Variants in HYDIN observed in about 807,000 individuals in gnomAD.
HYDIN encodes the protein axonemal central pair apparatus protein HYDIN.
A neutral mutation model predicts 403.9 loss-of-function variants in HYDIN; 132 were observed. That is an observed-to-expected ratio of 0.33 (90% CI 0.28 to 0.38). The LOEUF is 0.38. Ranked by LOEUF, HYDIN falls within the 10% of genes least tolerant of loss-of-function variation. The probability of loss-of-function intolerance (pLI) is 1.00; values close to 1 mark genes in which losing one functional copy is unlikely to be tolerated. For synonymous variants in HYDIN, 1,202 were observed against 1,891.7 expected, an observed-to-expected ratio of 0.64 and a Z score of 9.46; for missense variants, 2,827 against 5,009.5, an observed-to-expected ratio of 0.56 and a Z score of 13.15.
At chr16:70,871,890 G>A (rs1049369291) in intron 65 of HYDIN, 147 bp downstream of exon 65, 2 of 476,040 alleles carry the variant, frequency 4.2e-6, no homozygotes, top group Non-Finnish European at 7.7e-6. Context: ...TTGCTACTAG[G>A]TATGAGTGAG....
chr16:70,892,981 G>A (rs1298020725), intron 55 of HYDIN, among the ~76,000 whole-genome samples: 3 of 152,174 alleles, frequency 2.0e-5, no homozygotes, highest in African/African-American at 7.2e-5. Context: ...ATGGCCTACT[G>A]GAGGTGAGGC....
At chr16:70,954,688 C>T (rs2078178058) in intron 40 of HYDIN, among the ~76,000 whole-genome samples, 1 of 152,152 alleles carries the variant, frequency 6.6e-6, no homozygotes. Flanking sequence ...CCGGCCCAGG[C>T]CCATTTGTCT....
chr16:71,051,469 A>AC (rs1200775777), intron 18 of HYDIN, among the ~76,000 whole-genome samples: 1 of 151,718 alleles, frequency 6.6e-6, no homozygotes, highest in Non-Finnish European at 1.5e-5. Context: ...ACACGGTGAG[A>AC]CCCCGTCTCT....
intron 1 of HYDIN, among the ~76,000 whole-genome samples, chr16:71,218,458 T>C (rs959466627): frequency 2.6e-5 from 4 of 152,224 alleles, no homozygotes; most frequent in Non-Finnish European, 5.9e-5. Context: ...AGTTTAATTG[T>C]ATACTGGGGA....
At chr16:71,090,163 C>T (rs917110366) in intron 11 of HYDIN, 4 of 119,016 alleles carry the variant, frequency 3.4e-5, no homozygotes, top group Admixed American at 9.3e-5. Context: ...ATGTTTCTTT[C>T]GCATCTCCCT....
rs545412163 is a variant in HYDIN at position 70,892,426 on chromosome 16, C to T, written c.9352G>A (p.Val3118Ile). Residue 3118 changes from valine (V) to isoleucine (I), a missense_variant, in exon 56 of 86, where the codon GTC becomes ATC. Val to Ile is a conservative substitution (Grantham distance 29). Coordinates refer to ENST00000393567, the MANE Select transcript of HYDIN (RefSeq NM_001270974.2). ...TTTTTTGCATGGAAGAAAACTTGGA[C>T]ATTTGTGGGTTTTTCTGTTGGGGTC... ...SLTPTEKPTN[V>I]QVFFHAKKEV... 7.5e-6 allele frequency: 12 copies of T among 1,604,462 alleles called. No homozygotes were observed. In the East Asian group the frequency reaches 2.5e-4, roughly 33 times the overall value.
chr16:71,093,911 C>T lies in HYDIN; in HGVS notation c.1352G>A (p.Arg451Gln), dbSNP rs7200485. 27 of 1,613,306 alleles carry T rather than the reference C, an allele frequency of 1.7e-5. No individual in the cohort carries two copies. Among genetic ancestry groups the T allele is most frequent in the Admixed American group, 3.3e-5 (2 of 59,892 alleles). The change falls in exon 11 of 86, where the codon CGA becomes CAA. Residue 451 changes from arginine (R) to glutamine (Q), a missense_variant. Transcript: ENST00000393567. The stretch of plus-strand genomic sequence containing the variant: ...AGGTCCCATGCCTTCCCCTTTGATT[C>T]GGAGGGGCAGACGGATTTCTCGGCC... ...ILGREIRLPL[R>Q]IKGEGMGPKI...
rs189334712 is a variant in HYDIN at position 70,803,015 on chromosome 16, A to G, written c.*4565T>C. Among the ~76,000 whole-genome samples the G allele has an allele frequency of 5.1e-4, 77 of 152,212 alleles. No homozygotes were observed. Among genetic ancestry groups the G allele is most frequent in the Middle Eastern group, 3.4e-3 (1 of 292 alleles). ...AAATCAATGGGAATGATTTGGTTCT[A>G]TTTCTCCAATGTGTGTGCATTTCCA... is the stretch of plus-strand genomic sequence containing the variant. On this transcript the variant is annotated 3_prime_UTR_variant, in exon 86 of 86. Coordinates refer to ENST00000393567, the MANE Select transcript of HYDIN (RefSeq NM_001270974.2).
rs377419215 is a variant in HYDIN, at chr16:71,077,907, G to A, written c.1738+1978C>T. ...TCTAAGAATTTTTATTTCTCATTAT[G>A]AATGAGTGTTGGATTCTGTGGAATA... On this transcript the variant is annotated intron_variant, in intron 13 of 85. Transcript: ENST00000393567. Among the ~76,000 whole-genome samples, 89 of 152,024 alleles carry A rather than the reference G, an allele frequency of 5.9e-4. No individual in the cohort carries two copies. The East Asian group carries it at 0.014, about 23-fold the overall frequency.
intron 1 of HYDIN, among the ~76,000 whole-genome samples, chr16:71,203,030 C>A (rs2088102573): frequency 6.6e-6 from 1 of 152,170 alleles, no homozygotes; most frequent in South Asian, 2.1e-4. Context: ...GAAGTTATTT[C>A]TTTGGGCTTG....
intron 2 of HYDIN, among the ~76,000 whole-genome samples, chr16:71,186,552 C>A (rs903316815): frequency 1.3e-5 from 2 of 152,110 alleles, no homozygotes; most frequent in African/African-American, 4.8e-5. Flanking sequence ...TTAAGCAAAT[C>A]AAGCCTCTAC....
At chr16:70,965,658 T>C (rs1384793215) in intron 36 of HYDIN, among the ~76,000 whole-genome samples, 1 of 152,228 alleles carries the variant, frequency 6.6e-6, no homozygotes, top group African/African-American at 2.4e-5. Context: ...AAAAATCTGT[T>C]TTGTTAGGTA....
intron 7 of HYDIN, among the ~76,000 whole-genome samples, chr16:71,149,725 A>G (rs376458977): frequency 1.3e-5 from 2 of 152,186 alleles, no homozygotes; most frequent in African/African-American, 4.8e-5. Flanking sequence ...ACATGGTTTC[A>G]CCATGTTGCC....
chr16:70,974,422 T>C (rs2078828862), intron 32 of HYDIN, 112 bp downstream of exon 32: 3 of 1,476,940 alleles, frequency 2.0e-6, no homozygotes, highest in East Asian at 4.8e-5. Context: ...AGCCCAAGAA[T>C]CCTTTTAGCT....
At chr16:71,204,145 C>T (rs776319901) in intron 1 of HYDIN, 3 of 170,836 alleles carry the variant, frequency 1.8e-5, no homozygotes, top group South Asian at 1.5e-4. Context: ...TCTCCAAGTG[C>T]TAACAATGTG....
At position 71,027,676 on chromosome 16, in the gene HYDIN, G is replaced by A. The variant is rs1449274459; in HGVS notation, c.2968C>T (p.His990Tyr). Residue 990 changes from histidine to tyrosine, a missense_variant, in exon 20 of 86, where the codon CAC becomes TAC. His to Tyr is a moderately conservative substitution (Grantham distance 83). Transcript: ENST00000393567. ...RDPQSPVFHLHPASMELYPGQ... is the reference protein window; with the variant it reads ...RDPQSPVFHLYPASMELYPGQ... ...GGGTACAGCTCCATGCTGGCGGGGT[G>A]GAGATGAAACACGGGGCTCTGTGGA... 1 of 1,604,838 alleles carries A rather than the reference G, an allele frequency of 6.2e-7. No individual in the cohort carries two copies. Among genetic ancestry groups the A allele is most frequent in the Non-Finnish European group, 8.5e-7 (1 of 1,175,664 alleles).
rs2458389 is a variant in HYDIN at position 70,950,446 on chromosome 16, C to T, written c.6531+1975G>A. On this transcript the variant is annotated intron_variant, in intron 41 of 85. Transcript: ENST00000393567. ...TTTTATTTTTTATTTTTAGTAGAGACGGGGTTTCATCACGTTGGCCAGGCT... is the reference window on the plus strand; with the variant it reads ...TTTTATTTTTTATTTTTAGTAGAGATGGGGTTTCATCACGTTGGCCAGGCT... Among the ~76,000 whole-genome samples, 879 of 149,704 alleles carry T rather than the reference C, an allele frequency of 5.9e-3. 8 individuals are homozygous for T. Among genetic ancestry groups the T allele is most frequent in the African/African-American group, 0.021 (823 of 39,268 alleles).
chr16:70,860,337 T>C, intron 70 of HYDIN, 131 bp from the exon 71 acceptor site: 3 of 904,996 alleles, frequency 3.3e-6, no homozygotes, highest in African/African-American at 1.9e-5. Context: ...ACTTTGTTAC[T>C]GTGGAAATAA....
At chr16:71,108,128 C>T (rs1422558681) in intron 10 of HYDIN, among the ~76,000 whole-genome samples, 7 of 151,956 alleles carry the variant, frequency 4.6e-5, no homozygotes, top group Middle Eastern at 3.2e-3. Flanking sequence ...TGAGAACACA[C>T]GGACACAAAG....
Sources: gnomAD v4.1 joint callset for allele counts (sites outside exome capture counted in the v4.1 genomes callset) on GRCh38, gnomAD v4.1.1 for gene constraint, MANE v1.5 for transcripts, NCBI Gene and HGNC (gene_info 2026-07-23, HGNC 2026-07-21) for gene names.